NOL4L: variants seen among roughly 807,000 people sequenced by gnomAD.
NOL4L encodes nucleolar protein 4 like.
NOL4L carries 7 observed loss-of-function variants against 64.5 expected under a neutral mutation model. The ratio of observed to expected loss-of-function variants is 0.11; its 90% CI spans 0.06 to 0.20. The LOEUF (loss-of-function observed/expected upper bound fraction) is 0.20, where lower values mean the gene tolerates loss of function less well. Among genes scored for constraint, NOL4L ranks in the 10% least tolerant of loss-of-function variants. NOL4L has a pLI of 1.00. For missense variants in NOL4L, 680 were observed against 967.1 expected, an observed-to-expected ratio of 0.70 and a Z score of 3.94; for synonymous variants, 413 against 401.0, an observed-to-expected ratio of 1.03 and a Z score of -0.36.
At chr20:32,572,978 G>C (rs554898163) in intron 1 of NOL4L, among the ~76,000 whole-genome samples, 38 of 152,192 alleles carry the variant, frequency 2.5e-4, no homozygotes, top group African/African-American at 8.7e-4. Context: ...ACTTGACATG[G>C]AGTCTCTCTT....
At chr20:32,532,001 C>G (rs2018363418) in intron 1 of NOL4L, among the ~76,000 whole-genome samples, 1 of 152,166 alleles carries the variant, frequency 6.6e-6, no homozygotes. Flanking sequence ...GTGTAATTGA[C>G]CAACCCAGAT....
Position 32,445,161 on chromosome 20 carries a change from C to T in NOL4L, c.*2435G>A, listed in dbSNP as rs2012275521. On this transcript the variant is annotated 3_prime_UTR_variant, in exon 11 of 11. Coordinates refer to ENST00000621426, the MANE Select transcript of NOL4L (RefSeq NM_001256798.2). ...ACTTTAACAACATATTCTTTCCTTT[C>T]TCTTGAAAACACATTGAACCTACGC... The T allele has an allele frequency of 6.6e-6, 1 of 152,250 alleles. No homozygotes were observed. Among genetic ancestry groups the T allele is most frequent in the Non-Finnish European group, 1.5e-5 (1 of 68,054 alleles). The allele number at this position is 152,250 out of a possible 1,614,324, so 9.4% of individuals were successfully genotyped here.
At chr20:32,537,004 G>C (rs892193020) in intron 1 of NOL4L, 112 of 951,676 alleles carry the variant, frequency 1.2e-4, no homozygotes, top group Non-Finnish European at 1.2e-4. Context: ...GCGCCCGCCG[G>C]CCTCGCGTCC....
intron 4 of NOL4L, chr20:32,486,686 G>T: frequency 2.1e-6 from 1 of 466,806 alleles, no homozygotes; most frequent in Non-Finnish European, 4.4e-6. Context: ...TGACAGAGAA[G>T]AAAATGTACC....
At position 32,584,613 on chromosome 20, in the gene NOL4L, G is replaced by A. The variant is rs1260685778; in HGVS notation, c.278C>T (p.Pro93Leu). The change falls in exon 1 of 11, where the codon CCC becomes CTC. Residue 93 changes from proline to leucine, a missense_variant. This residue lies in a region of NOL4L where 181 missense variants were observed against 335.2 expected (regional missense o/e 0.54). Transcript: ENST00000621426. ...KGFRLGSGREPKMGQVVYVPV... is the reference protein window; with the variant it reads ...KGFRLGSGRELKMGQVVYVPV... The stretch of plus-strand genomic sequence containing the variant: ...CACATACACCACTTGGCCCATCTTG[G>A]GTTCCCGGCCGCTGCCCAGGCGGAA... 2 of 1,536,034 alleles carry A rather than the reference G, an allele frequency of 1.3e-6. No individual in the cohort carries two copies. The highest frequency in any genetic ancestry group is 4.0e-5 in the Admixed American group (2 of 49,554).
At chr20:32,567,272 C>T (rs752047335) in intron 1 of NOL4L, among the ~76,000 whole-genome samples, 1 of 152,204 alleles carries the variant, frequency 6.6e-6, no homozygotes, top group African/African-American at 2.4e-5. Context: ...TTCCCACCTG[C>T]CCCACTCTCC....
At chr20:32,485,100 A>AAAAAAAAAAAAAAAAAAAAC in intron 4 of NOL4L, among the ~76,000 whole-genome samples, 1 of 150,376 alleles carries the variant, frequency 6.6e-6, no homozygotes, top group South Asian at 2.1e-4. Flanking sequence ...ACTAAAAAAA[A>AAAAAAAAAAAAAAAAAAAAC]ACCCTGATAA....
chr20:32,488,714 ATTTCTTTTTC>A (rs1228239778), intron 4 of NOL4L, among the ~76,000 whole-genome samples: 1 of 151,720 alleles, frequency 6.6e-6, no homozygotes, highest in African/African-American at 2.4e-5. Context: ...GGGCACTTGT[ATTTCTTTTTC>A]TTTCTTTCTT....
rs747430055 is a variant in NOL4L, at chr20:32,456,319, G to A, written c.918C>T (p.Gly306=). The change falls in exon 6 of 11, where the codon GGC becomes GGT. Residue 306 remains glycine, a synonymous_variant. Transcript: ENST00000621426. ...LNPSTSSSTQ[G]DPAFPEMNGN... is the part of the protein sequence containing the mutation. ...CATTCATCTCGGGGAAGGCAGGGTC[G>A]CCCTGCGTGCTGCTCGACGTGGATG... 1.2e-5 allele frequency: 19 copies of A among 1,563,704 alleles called. No individual in the cohort carries two copies. Among genetic ancestry groups the A allele is most frequent in the South Asian group, 3.5e-5 (3 of 84,544 alleles).
intron 5 of NOL4L, among the ~76,000 whole-genome samples, chr20:32,456,627 G>C (rs867423758): frequency 2.0e-5 from 3 of 152,220 alleles, no homozygotes; most frequent in African/African-American, 7.2e-5. Flanking sequence ...AGGCAGGGCT[G>C]TGCAGGGCAT....
rs1387415510 is a variant in NOL4L at position 32,443,328 on chromosome 20, T to C, written c.*4268A>G. ...AAGAATTAAAATATTAAGCCACATT[T>C]ACTGGTAAAACTCACTATATAGAAC... is the stretch of plus-strand genomic sequence containing the variant. On this transcript the variant is annotated 3_prime_UTR_variant, in exon 11 of 11. Transcript: ENST00000621426. 7 of 152,256 alleles carry C rather than the reference T, an allele frequency of 4.6e-5. No individual in the cohort carries two copies. The highest frequency in any genetic ancestry group is 1.0e-4 in the Non-Finnish European group (7 of 68,048). 9.4% of individuals were successfully genotyped at this position (152,256 alleles called of 1,614,324 possible). A position where few individuals can be genotyped will look rare whatever the true frequency, so the allele number is the denominator to read the frequency against.
chr20:32,537,805 A>G (rs1277126851), intron 1 of NOL4L, among the ~76,000 whole-genome samples: 2 of 149,794 alleles, frequency 1.3e-5, no homozygotes, highest in South Asian at 4.2e-4. Context: ...TGGAGACGGA[A>G]TCTTGCTCTG....
chr20:32,494,151 G>A (rs745533302), intron 4 of NOL4L, among the ~76,000 whole-genome samples: 1 of 150,606 alleles, frequency 6.6e-6, no homozygotes, highest in Non-Finnish European at 1.5e-5. Context: ...TACTTGGGAG[G>A]CTGAGACAGG....
chr20:32,513,637 A>C (rs964207161), intron 3 of NOL4L, among the ~76,000 whole-genome samples: 28 of 152,196 alleles, frequency 1.8e-4, no homozygotes, highest in African/African-American at 6.7e-4. Context: ...CAGAGGCAGG[A>C]GGACTGCTTG....
At chr20:32,575,351 T>C (rs1184882149) in intron 1 of NOL4L, among the ~76,000 whole-genome samples, 1 of 152,152 alleles carries the variant, frequency 6.6e-6, no homozygotes, top group African/African-American at 2.4e-5. Flanking sequence ...AAATTGGCCC[T>C]GGGATCCGTC....
intron 4 of NOL4L, among the ~76,000 whole-genome samples, chr20:32,490,854 G>C (rs1209335851): frequency 2.6e-5 from 4 of 152,188 alleles, no homozygotes; most frequent in Non-Finnish European, 5.9e-5. Context: ...GTCACCGGCG[G>C]AATCGAGTTA....
intron 3 of NOL4L, among the ~76,000 whole-genome samples, chr20:32,517,883 C>A (rs1216746314): frequency 6.6e-6 from 1 of 152,220 alleles, no homozygotes; most frequent in African/African-American, 2.4e-5. Context: ...AATATGGTTT[C>A]CTGCCTGCAC....
At chr20:32,529,985 C>A (rs189206736) in intron 1 of NOL4L, among the ~76,000 whole-genome samples, 15 of 152,272 alleles carry the variant, frequency 9.9e-5, no homozygotes, top group African/African-American at 3.6e-4. Context: ...AGTATCCCAC[C>A]CCCTCCGACA....
chr20:32,542,968 C>T (rs1469473693), intron 1 of NOL4L, among the ~76,000 whole-genome samples: 2 of 152,132 alleles, frequency 1.3e-5, no homozygotes, highest in Non-Finnish European at 2.9e-5. Flanking sequence ...TGCAGGAAAG[C>T]GCTGAGCACA....
Sources: allele counts gnomAD v4.1 joint callset (sites outside exome capture counted in the v4.1 genomes callset), GRCh38; gene constraint gnomAD v4.1.1; regional missense constraint gnomAD v4.1.1; transcripts MANE v1.5; gene names NCBI Gene and HGNC (gene_info 2026-07-23, HGNC 2026-07-21).